The following GPC6 variants were observed in gnomAD, a reference collection of about 807,000 sequenced individuals.
GPC6 encodes glypican-6.
Under a neutral mutation model 55.2 loss-of-function variants are expected in GPC6, and 14 were observed. The observed-to-expected ratio is 0.25, with a 90% CI of 0.17 to 0.40. The LOEUF (loss-of-function observed/expected upper bound fraction) is 0.40. Among genes scored for constraint, GPC6 ranks in the 10% least tolerant of loss-of-function variants. GPC6 has a pLI of 1.00. For missense variants in GPC6, 641 were observed against 708.5 expected (o/e 0.90, Z 1.08); for synonymous variants, 278 against 259.6 (o/e 1.07, Z -0.68).
chr13:94,252,322 A>G (rs748241365), intron 4 of GPC6, among the ~76,000 whole-genome samples: 2 of 152,134 alleles, frequency 1.3e-5, no homozygotes, highest in Non-Finnish European at 2.9e-5. Context: ...TAATTATGAT[A>G]TTGAGTAATA....
chr13:93,529,703 G>A (rs1881791965), intron 1 of GPC6, among the ~76,000 whole-genome samples: 1 of 151,632 alleles, frequency 6.6e-6, no homozygotes. Context: ...TTTTAGTAGA[G>A]ACAGGTTTTT....
Position 94,027,861 on chromosome 13 carries a change from G to A in GPC6, c.844G>A (p.Ala282Thr). Reference sequence around the variant, plus strand: ...CATGAAGGGCTGCTTGGCAAATCAGGCTGACCTCGACACAGAGTGGAATCT... The same window carrying A: ...CATGAAGGGCTGCTTGGCAAATCAGACTGACCTCGACACAGAGTGGAATCT... ...NVMKGCLANQADLDTEWNLFI... is the reference protein window; with the variant it reads ...NVMKGCLANQTDLDTEWNLFI... The change falls in exon 4 of 9, where the codon GCT becomes ACT. Residue 282 changes from alanine (A) to threonine (T), a missense_variant. By Grantham distance (58) the Ala-to-Thr change is moderately conservative (BLOSUM62 0). Transcript: ENST00000377047. 1.2e-6 allele frequency: 2 copies of A among 1,614,042 alleles called. No individual in the cohort carries two copies. The highest frequency in any genetic ancestry group is 1.7e-6 in the Non-Finnish European group (2 of 1,179,970).
chr13:93,555,666 A>T (rs1440258097), intron 2 of GPC6, among the ~76,000 whole-genome samples: 1 of 152,218 alleles, frequency 6.6e-6, no homozygotes, highest in East Asian at 1.9e-4. Context: ...TCTTATCATA[A>T]AAAACAGGAT....
At chr13:93,949,351 G>A (rs992941658) in intron 3 of GPC6, among the ~76,000 whole-genome samples, 1 of 152,186 alleles carries the variant, frequency 6.6e-6, no homozygotes, top group Non-Finnish European at 1.5e-5. Context: ...TAGGTTTTGT[G>A]TTGGTTCATG....
chr13:93,769,586 T>C (rs529275474), intron 2 of GPC6, among the ~76,000 whole-genome samples: 1 of 152,294 alleles, frequency 6.6e-6, no homozygotes, highest in South Asian at 2.1e-4. Flanking sequence ...TATCCATTCA[T>C]TCACCTTATT....
At chr13:93,309,437 TA>T in intron 1 of GPC6, among the ~76,000 whole-genome samples, 1 of 151,618 alleles carries the variant, frequency 6.6e-6, no homozygotes, top group East Asian at 1.9e-4. Flanking sequence ...AATATTATTA[TA>T]TATTCTGTAT....
At chr13:94,368,505 G>A (rs1879387180) in intron 6 of GPC6, among the ~76,000 whole-genome samples, 3 of 152,136 alleles carry the variant, frequency 2.0e-5, no homozygotes. Flanking sequence ...CATGAAAAAT[G>A]ACACCAAAGA....
chr13:93,471,799 G>A (rs140304467), intron 1 of GPC6, among the ~76,000 whole-genome samples: 1 of 152,224 alleles, frequency 6.6e-6, no homozygotes, highest in African/African-American at 2.4e-5. Context: ...CCAGGATATG[G>A]TCTATCCTGG....
intron 3 of GPC6, among the ~76,000 whole-genome samples, chr13:93,983,078 G>T (rs1437861785): frequency 6.6e-6 from 1 of 152,122 alleles, no homozygotes; most frequent in Middle Eastern, 3.2e-3. Context: ...ACTTTGACCA[G>T]AATTCATGAA....
At chr13:93,592,542 C>T (rs1051620882) in intron 2 of GPC6, among the ~76,000 whole-genome samples, 1 of 150,872 alleles carries the variant, frequency 6.6e-6, no homozygotes, top group East Asian at 1.9e-4. Flanking sequence ...GCCACCACAC[C>T]CGGCCCTCTC....
At chr13:93,780,019 C>G (rs1566531202) in intron 2 of GPC6, among the ~76,000 whole-genome samples, 1 of 151,974 alleles carries the variant, frequency 6.6e-6, no homozygotes, top group Non-Finnish European at 1.5e-5. Flanking sequence ...AATAGAGAAC[C>G]AGACCCAATA....
chr13:94,328,818 G>A (rs1877261020), intron 6 of GPC6, among the ~76,000 whole-genome samples: 1 of 152,228 alleles, frequency 6.6e-6, no homozygotes, highest in Admixed American at 6.5e-5. Flanking sequence ...GGGAGCCCCT[G>A]CATCACTATG....
At chr13:93,909,970 T>C (rs1449217403) in intron 3 of GPC6, among the ~76,000 whole-genome samples, 1 of 152,082 alleles carries the variant, frequency 6.6e-6, no homozygotes, top group Non-Finnish European at 1.5e-5. Flanking sequence ...CAGGGTACAG[T>C]AGCTTTTATT....
intron 1 of GPC6, among the ~76,000 whole-genome samples, chr13:93,465,833 C>T (rs1193446218): frequency 6.6e-6 from 1 of 152,130 alleles, no homozygotes; most frequent in Non-Finnish European, 1.5e-5. Context: ...AGCTTAATAA[C>T]TTTTAGCTTT....
chr13:93,643,510 A>C (rs1387097750), intron 2 of GPC6, among the ~76,000 whole-genome samples: 1 of 152,130 alleles, frequency 6.6e-6, no homozygotes, highest in Non-Finnish European at 1.5e-5. Flanking sequence ...GCAGGTGTGG[A>C]AGTAACTAAA....
chr13:94,176,756 A>G (rs1888789176), intron 4 of GPC6, among the ~76,000 whole-genome samples: 1 of 152,170 alleles, frequency 6.6e-6, no homozygotes, highest in African/African-American at 2.4e-5. Context: ...CAGGAAGAAA[A>G]GCAAAAAAGA....
intron 1 of GPC6, among the ~76,000 whole-genome samples, chr13:93,502,676 T>C (rs1880565165): frequency 6.6e-6 from 1 of 152,168 alleles, no homozygotes; most frequent in African/African-American, 2.4e-5. Context: ...AGAGATAGTA[T>C]GTTATAACGT....
intron 2 of GPC6, among the ~76,000 whole-genome samples, chr13:93,709,998 G>A (rs1364795922): frequency 6.6e-6 from 1 of 151,600 alleles, no homozygotes; most frequent in Non-Finnish European, 1.5e-5. Flanking sequence ...CAATTACAAG[G>A]GTTTACATAG....
At chr13:93,578,316 A>C (rs2139484685) in intron 2 of GPC6, among the ~76,000 whole-genome samples, 2 of 152,192 alleles carry the variant, frequency 1.3e-5, no homozygotes, top group Admixed American at 1.3e-4. Flanking sequence ...TCAGCAGGGA[A>C]GCCACAGTTC....
Sources: gnomAD v4.1 joint callset for allele counts (sites outside exome capture counted in the v4.1 genomes callset) on GRCh38, gnomAD v4.1.1 for gene constraint, MANE v1.5 for transcripts, NCBI Gene and HGNC (gene_info 2026-07-23, HGNC 2026-07-21) for gene names.